ATF7IP2: variants seen among roughly 807,000 people sequenced by gnomAD.
ATF7IP2 encodes activating transcription factor 7-interacting protein 2.
Under a neutral mutation model 64.2 loss-of-function variants are expected in ATF7IP2, and 42 were observed. The ratio of observed to expected loss-of-function variants is 0.65; its 90% confidence interval spans 0.51 to 0.85. The LOEUF (loss-of-function observed/expected upper bound fraction) is 0.85, where lower values mean the gene tolerates loss of function less well. Ranked by LOEUF, ATF7IP2 falls within the 40% of genes least tolerant of loss-of-function variation. The pLI is 0.00. For missense variants in ATF7IP2, 933 were observed against 784.2 expected, an observed-to-expected ratio of 1.19 and a Z score of -2.27; for synonymous variants, 308 against 272.8, an observed-to-expected ratio of 1.13 and a Z score of -1.27.
rs926290915 is a variant in ATF7IP2, at chr16:10,431,886, C to T, written c.835+431C>T. Among the ~76,000 whole-genome samples, 6 of 142,668 alleles carry T rather than the reference C, an allele frequency of 4.2e-5. No individual in the cohort carries two copies. In the Admixed American group the frequency reaches 4.4e-4, roughly 10 times the overall value. The allele number at this position is 142,668 out of a possible 152,430, so 93.6% of individuals were successfully genotyped here. A position where few individuals can be genotyped will look rare whatever the true frequency, so the allele number is the denominator to read the frequency against. ...TCGCTCAGGCTGGAGTGCAGTGGCG[C>T]GATCTTGGCTCACTGCAACCCCCAC... On this transcript the variant is annotated intron_variant, in intron 5 of 13. Coordinates refer to ENST00000562102, the MANE Select transcript of ATF7IP2 (RefSeq NM_001393719.1).
intron 1 of ATF7IP2, 130 bp from the exon 2 acceptor site, chr16:10,414,444 C>T (rs1458503672): frequency 6.6e-6 from 1 of 151,916 alleles, no homozygotes; most frequent in Non-Finnish European, 1.5e-5. Context: ...TTTATTTATG[C>T]TATCTATTTC....
chr16:10,432,820 C>T (rs1051519133), intron 5 of ATF7IP2, among the ~76,000 whole-genome samples: 1 of 152,070 alleles, frequency 6.6e-6, no homozygotes, highest in Non-Finnish European at 1.5e-5. Context: ...GGAAGTTGCA[C>T]TGAGCCAAGA....
chr16:10,480,254 G>C (rs142972073), intron 12 of ATF7IP2, among the ~76,000 whole-genome samples: 21 of 152,186 alleles, frequency 1.4e-4, no homozygotes, highest in African/African-American at 4.8e-4. Context: ...TGGGATGACA[G>C]ATGTGAGCCA....
At chr16:10,457,139 T>C (rs1272195850) in intron 8 of ATF7IP2, among the ~76,000 whole-genome samples, 1 of 152,238 alleles carries the variant, frequency 6.6e-6, no homozygotes, top group Non-Finnish European at 1.5e-5. Flanking sequence ...TTTTTCCTTC[T>C]TTCCATCCAA....
chr16:10,418,238 C>T (rs776405736), intron 2 of ATF7IP2, among the ~76,000 whole-genome samples: 8 of 152,316 alleles, frequency 5.3e-5, no homozygotes, highest in Non-Finnish European at 8.8e-5. Context: ...GGTTCAGGAA[C>T]GCCTTAAGCG....
intron 3 of ATF7IP2, among the ~76,000 whole-genome samples, chr16:10,427,813 G>A (rs2048115523): frequency 6.6e-6 from 1 of 150,396 alleles, no homozygotes; most frequent in South Asian, 2.1e-4. Context: ...GAGCCATGCT[G>A]CACTCCAGCC....
At chr16:10,437,123 G>A (rs1420936061) in intron 6 of ATF7IP2, among the ~76,000 whole-genome samples, 1 of 151,242 alleles carries the variant, frequency 6.6e-6, no homozygotes, top group Non-Finnish European at 1.5e-5. Flanking sequence ...CTGGATTCAA[G>A]CAGTTCTCCT....
intron 1 of ATF7IP2, among the ~76,000 whole-genome samples, chr16:10,411,350 T>TG (rs995341444): frequency 1.2e-4 from 9 of 76,554 alleles, no homozygotes; most frequent in African/African-American, 5.7e-4. Context: ...TGGGCCTTTT[T>TG]GTTTTTTTTT....
rs1427489381 is a variant in ATF7IP2, at chr16:10,431,350, T to C, written c.730T>C (p.Cys244Arg). 1 of 1,614,222 alleles carries C rather than the reference T, an allele frequency of 6.2e-7. No homozygotes were observed. Among genetic ancestry groups the C allele is most frequent in the South Asian group, 1.1e-5 (1 of 91,080 alleles). Residue 244 changes from cysteine to arginine, a missense_variant, in exon 5 of 14, where the codon TGT (cysteine) becomes CGT (arginine). Physicochemically the swap from Cys to Arg is radical, Grantham distance 180. Transcript: ENST00000562102. ...GGTGAATTCAGTCACTTCTAACAAC[T>C]GTGCTGATGACATTTTGAAAACTGA... is the stretch of plus-strand genomic sequence containing the variant. Reference protein sequence around the residue: ...NLVNSVTSNNCADDILKTDEC... With the variant: ...NLVNSVTSNNRADDILKTDEC...
intron 7 of ATF7IP2, among the ~76,000 whole-genome samples, chr16:10,439,655 C>G (rs1300861089): frequency 6.7e-6 from 1 of 150,112 alleles, no homozygotes; most frequent in African/African-American, 2.4e-5. Flanking sequence ...GCCTCAGCCT[C>G]CCGAGTAGCT....
At chr16:10,433,474 C>G in intron 5 of ATF7IP2, 51 bp from the exon 6 acceptor site, 2 of 1,554,788 alleles carry the variant, frequency 1.3e-6, no homozygotes, top group Middle Eastern at 1.9e-4. Flanking sequence ...CACACTGAAC[C>G]TGTTTTTTTC....
At chr16:10,441,257 T>C (rs1300246603) in intron 8 of ATF7IP2, among the ~76,000 whole-genome samples, 2 of 152,208 alleles carry the variant, frequency 1.3e-5, no homozygotes, top group Non-Finnish European at 2.9e-5. Context: ...ATCCTTTGGG[T>C]ATATACCCAG....
intron 1 of ATF7IP2, among the ~76,000 whole-genome samples, chr16:10,398,974 G>C (rs1365699462): frequency 6.6e-6 from 1 of 152,152 alleles, no homozygotes; most frequent in Non-Finnish European, 1.5e-5. Context: ...TTAGCTGGGC[G>C]TGGTGGTGCA....
At chr16:10,432,644 G>C (rs943440516) in intron 5 of ATF7IP2, among the ~76,000 whole-genome samples, 1 of 152,130 alleles carries the variant, frequency 6.6e-6, no homozygotes, top group African/African-American at 2.4e-5. Flanking sequence ...TGAGGCAGGT[G>C]GATCACCTGA....
At chr16:10,424,250 C>G (rs1294738740) in intron 3 of ATF7IP2, among the ~76,000 whole-genome samples, 1 of 152,194 alleles carries the variant, frequency 6.6e-6, no homozygotes, top group Non-Finnish European at 1.5e-5. Context: ...TCATAGCCAT[C>G]ACGAGCCTGT....
At chr16:10,451,825 G>C (rs564400998) in intron 8 of ATF7IP2, among the ~76,000 whole-genome samples, 1 of 151,908 alleles carries the variant, frequency 6.6e-6, no homozygotes, top group Admixed American at 6.6e-5. Context: ...TTGAGAGGTC[G>C]AGATGGACAC....
At chr16:10,404,326 C>T (rs1368574685) in intron 1 of ATF7IP2, among the ~76,000 whole-genome samples, 1 of 152,198 alleles carries the variant, frequency 6.6e-6, no homozygotes. Flanking sequence ...GATCTCTGCT[C>T]ACTGCACCTT....
At chr16:10,477,458 G>C (rs1210001855) in intron 12 of ATF7IP2, among the ~76,000 whole-genome samples, 1 of 152,048 alleles carries the variant, frequency 6.6e-6, no homozygotes, top group Non-Finnish European at 1.5e-5. Flanking sequence ...AATAAATTAG[G>C]TATTGATGGG....
intron 12 of ATF7IP2, among the ~76,000 whole-genome samples, chr16:10,476,113 G>A (rs8054053): frequency 0.78 from 118,750 of 152,164 alleles, 47,236 homozygotes; most frequent in African/African-American, 0.94. Context: ...TGTAAAGGTT[G>A]TTTGTATTAG....
Sources: gnomAD v4.1 joint callset for allele counts (sites outside exome capture counted in the v4.1 genomes callset) on GRCh38, gnomAD v4.1.1 for gene constraint, MANE v1.5 for transcripts, NCBI Gene and HGNC (gene_info 2026-07-23, HGNC 2026-07-21) for gene names.